The following ST3GAL3 variants were observed in gnomAD, a reference collection of about 807,000 sequenced individuals.
ST3GAL3 encodes the protein ST3 beta-galactoside alpha-2,3-sialyltransferase 3.
In ST3GAL3, 21 loss-of-function variants were observed where a neutral mutation model predicts 50.1. The ratio of observed to expected loss-of-function variants is 0.42; its 90% CI spans 0.30 to 0.60. ST3GAL3 has a LOEUF of 0.60. ST3GAL3 is among the 20% of genes least tolerant of loss of function. The pLI, the probability that ST3GAL3 is intolerant of heterozygous loss-of-function variation, is 0.19. For missense variants in ST3GAL3, 353 were observed against 489.4 expected (o/e 0.72, Z 2.63); for synonymous variants, 183 against 190.0 (o/e 0.96, Z 0.30).
intron 2 of ST3GAL3, among the ~76,000 whole-genome samples, chr1:43,744,655 A>AAATAAATAAAT (rs758984209): frequency 0.084 from 11,781 of 140,884 alleles, 691 homozygotes; most frequent in Non-Finnish European, 0.11. Context: ...TCCCTCTCAA[A>AAATAAATAAAT]AAATAAATAA....
At chr1:43,872,743 C>G (rs868304053) in intron 5 of ST3GAL3, among the ~76,000 whole-genome samples, 2 of 151,872 alleles carry the variant, frequency 1.3e-5, no homozygotes, top group African/African-American at 4.8e-5. Context: ...GGCAAAGAAA[C>G]GATATAGAAA....
chr1:43,746,409 G>A (rs147718155), intron 2 of ST3GAL3, among the ~76,000 whole-genome samples: 2,519 of 152,006 alleles, frequency 0.017, 43 homozygotes, highest in Non-Finnish European at 0.026. Context: ...GGTAATGGAT[G>A]TACAACAGTG....
At chr1:43,724,166 T>G (rs1200603270) in intron 1 of ST3GAL3, among the ~76,000 whole-genome samples, 1 of 152,154 alleles carries the variant, frequency 6.6e-6, no homozygotes, top group African/African-American at 2.4e-5. Flanking sequence ...ACAAATTATA[T>G]TGTGTCTAGA....
chr1:43,775,597 A>G (rs1386012701), intron 2 of ST3GAL3, among the ~76,000 whole-genome samples: 1 of 152,222 alleles, frequency 6.6e-6, no homozygotes, highest in East Asian at 1.9e-4. Flanking sequence ...GACATTTGCA[A>G]ACACTTCGTG....
intron 1 of ST3GAL3, among the ~76,000 whole-genome samples, chr1:43,719,322 C>T (rs1234962800): frequency 7.7e-6 from 1 of 130,714 alleles, no homozygotes; most frequent in Non-Finnish European, 1.7e-5. Context: ...TGAGATGCTA[C>T]CTCACACTCT....
At chr1:43,838,197 A>C in intron 4 of ST3GAL3, 22 bp from the exon 5 acceptor site, 10 of 1,580,606 alleles carry the variant, frequency 6.3e-6, no homozygotes, top group Non-Finnish European at 8.7e-6. Flanking sequence ...GGCAAGCTGT[A>C]ACTTTCCTTC....
chr1:43,808,569 T>C (rs1238203269), intron 3 of ST3GAL3, among the ~76,000 whole-genome samples: 2 of 152,216 alleles, frequency 1.3e-5, no homozygotes, highest in Non-Finnish European at 2.9e-5. Context: ...AGGTTAGCCC[T>C]GTAATTGCCC....
chr1:43,908,266 C>T (rs1038199969), intron 9 of ST3GAL3, among the ~76,000 whole-genome samples: 6 of 152,162 alleles, frequency 3.9e-5, no homozygotes, highest in African/African-American at 1.2e-4. Flanking sequence ...CCAGTCAGGT[C>T]TCTCTCCAAT....
At chr1:43,825,451 C>T (rs1460718382) in intron 4 of ST3GAL3, among the ~76,000 whole-genome samples, 3 of 152,096 alleles carry the variant, frequency 2.0e-5, no homozygotes, top group Admixed American at 6.5e-5. Flanking sequence ...AAATCTCAGC[C>T]AATTGAAGAA....
At chr1:43,782,464 G>C (rs1327953967) in intron 2 of ST3GAL3, among the ~76,000 whole-genome samples, 2 of 152,116 alleles carry the variant, frequency 1.3e-5, no homozygotes. Context: ...AATATATAGT[G>C]TCTTTCTCTA....
At chr1:43,713,720 G>C (rs550241815) in intron 1 of ST3GAL3, among the ~76,000 whole-genome samples, 1 of 152,124 alleles carries the variant, frequency 6.6e-6, no homozygotes, top group East Asian at 1.9e-4. Flanking sequence ...GTTTTTTATA[G>C]AGATGTGGTT....
rs1011496063 is a variant in ST3GAL3, at chr1:43,895,704, C to T, written c.397+1227C>T. Among the ~76,000 whole-genome samples the T allele has an allele frequency of 2.8e-4, 42 of 152,132 alleles. 1 individual carries two copies. Among genetic ancestry groups the T allele is most frequent in the Non-Finnish European group, 1.8e-4 (12 of 68,028 alleles). On this transcript the variant is annotated intron_variant, in intron 6 of 11. Coordinates refer to ENST00000347631, the MANE Select transcript of ST3GAL3 (RefSeq NM_006279.5). ...GCAAGGAAAAACACTGTTGAACTGG[C>T]GCTTTGACCTCAGACCTCCAAGGAC...
chr1:43,844,700 G>A (rs1392280283), intron 5 of ST3GAL3, among the ~76,000 whole-genome samples: 5 of 152,048 alleles, frequency 3.3e-5, no homozygotes, highest in African/African-American at 7.2e-5. Context: ...GGTGGCGGGC[G>A]CCTGTAGTCC....
intron 4 of ST3GAL3, among the ~76,000 whole-genome samples, chr1:43,817,380 CCTTCTTCTTCTCCTCCTTTTT>C (rs1172127568): frequency 1.4e-5 from 2 of 142,868 alleles, no homozygotes; most frequent in African/African-American, 5.3e-5. Context: ...TCCTTCTTCT[CCTTCTTCTTCTCCTCCTTTTT>C]CTCCTTCTTC....
At chr1:43,713,685 C>G (rs1460253721) in intron 1 of ST3GAL3, among the ~76,000 whole-genome samples, 1 of 152,032 alleles carries the variant, frequency 6.6e-6, no homozygotes, top group Non-Finnish European at 1.5e-5. Flanking sequence ...CACTCACGCA[C>G]CACCACGCCC....
intron 4 of ST3GAL3, among the ~76,000 whole-genome samples, chr1:43,835,352 A>T (rs2064155683): frequency 6.6e-6 from 1 of 151,976 alleles, no homozygotes; most frequent in Non-Finnish European, 1.5e-5. Context: ...CACTCCCCCT[A>T]TTCTTCTCTC....
At chr1:43,809,558 G>A (rs561059601) in intron 3 of ST3GAL3, among the ~76,000 whole-genome samples, 2 of 152,174 alleles carry the variant, frequency 1.3e-5, no homozygotes, top group South Asian at 4.1e-4. Context: ...TTAGCTAAAT[G>A]TGGTGGTGCT....
chr1:43,799,339 T>G (rs1248777366), intron 3 of ST3GAL3, among the ~76,000 whole-genome samples: 2 of 152,224 alleles, frequency 1.3e-5, no homozygotes, highest in African/African-American at 2.4e-5. Context: ...GTTTAATAAT[T>G]GCTTTGTGAT....
Position 43,757,036 on chromosome 1 carries a change from C to G in ST3GAL3, c.118+20656C>G, listed in dbSNP as rs536353876. ...CTCCTGGCTCAGCACCCCCAAGTAC[C>G]TGGGACTACAGGCACCCACCACCAC... On this transcript the variant is annotated intron_variant, in intron 2 of 11. Coordinates refer to ENST00000347631, the MANE Select transcript of ST3GAL3 (RefSeq NM_006279.5). Among the ~76,000 whole-genome samples, 138 of 152,192 alleles carry G rather than the reference C, an allele frequency of 9.1e-4. 1 individual carries two copies. In the Middle Eastern group the frequency reaches 0.014, roughly 15 times the overall value.
Sources: allele counts gnomAD v4.1 joint callset (sites outside exome capture counted in the v4.1 genomes callset), GRCh38; gene constraint gnomAD v4.1.1; transcripts MANE v1.5; gene names NCBI Gene and HGNC (gene_info 2026-07-23, HGNC 2026-07-21).